Variants in ZNF292 observed in about 807,000 individuals in gnomAD.
ZNF292 encodes zinc finger protein 292.
In ZNF292, 26 loss-of-function variants were observed where a neutral mutation model predicts 217.9. That is an observed-to-expected ratio of 0.12 (90% CI 0.09 to 0.17). The LOEUF is 0.17. Among genes scored for constraint, ZNF292 ranks in the 10% least tolerant of loss-of-function variants. ZNF292 has a pLI of 1.00. For missense variants in ZNF292, 2,904 were observed against 3,175.2 expected (o/e 0.91, Z 2.05); for synonymous variants, 1,257 against 1,124.1 (o/e 1.12, Z -2.37).
At chr6:87,179,158 C>CTTTTTTTTT (rs10670719) in intron 1 of ZNF292, among the ~76,000 whole-genome samples, 15 of 116,354 alleles carry the variant, frequency 1.3e-4, no homozygotes, top group African/African-American at 4.2e-4. Context: ...ATATATGTGG[C>CTTTTTTTTT]TTTTTTTTTT....
intron 1 of ZNF292, among the ~76,000 whole-genome samples, chr6:87,192,959 T>C (rs61379368): frequency 0.091 from 13,852 of 152,234 alleles, 1,105 homozygotes; most frequent in African/African-American, 0.22. Flanking sequence ...ATTACTGTTA[T>C]ATGAAGAATC....
At position 87,260,797 on chromosome 6, in the gene ZNF292, A is replaced by G. The variant is rs1775537821; in HGVS notation, c.7168A>G (p.Ile2390Val). The change falls in exon 8 of 8, where the codon ATA becomes GTA. Residue 2390 changes from isoleucine to valine, a missense_variant. Ile to Val is a conservative substitution (Grantham distance 29). This residue lies in a region of ZNF292 where 27 missense variants were observed against 52.3 expected (regional missense o/e 0.52). Coordinates refer to ENST00000369577, the MANE Select transcript of ZNF292 (RefSeq NM_015021.3). ...ATTTGTAACCCAGTATCCATGTATG[A>G]TAAAGGGATGTACTTCAGTTGTTAC... The part of the protein sequence containing the change: ...SRFVTQYPCM[I>V]KGCTSVVTSE... The G allele has an allele frequency of 1.9e-6, 3 of 1,613,076 alleles. No homozygotes were observed. In the African/African-American group the frequency reaches 4.0e-5, roughly 22 times the overall value.
rs11753862 is a variant in ZNF292, at chr6:87,258,353, T to C, written c.4724T>C (p.Leu1575Ser). 1.6e-3 allele frequency: 2,609 copies of C among 1,613,680 alleles called. 9 individuals are homozygous for C. The highest frequency in any genetic ancestry group is 1.6e-3 in the Non-Finnish European group (1,850 of 1,179,754). ...TTGCCTGTTTTTCCAACGAATGACT[T>C]ACTACTGAAGACTGTTGAAAATGGT... ...SSLPVFPTND[L>S]LLKTVENGLC... The change falls in exon 8 of 8, where the codon TTA (leucine) becomes TCA (serine). Residue 1575 changes from leucine to serine, a missense_variant. Coordinates refer to ENST00000369577, the MANE Select transcript of ZNF292 (RefSeq NM_015021.3).
At chr6:87,169,860 C>T (rs1771041484) in intron 1 of ZNF292, 1 of 243,106 alleles carries the variant, frequency 4.1e-6, no homozygotes, top group African/African-American at 2.3e-5. Flanking sequence ...GTTGCCCAGA[C>T]TGGTCTTGAT....
intron 1 of ZNF292, among the ~76,000 whole-genome samples, chr6:87,214,429 G>A (rs1772641101): frequency 6.6e-6 from 1 of 152,074 alleles, no homozygotes; most frequent in African/African-American, 2.4e-5. Context: ...ATGAAGGTTT[G>A]GGATATAATG....
In ZNF292 at chr6:87,258,763, T is replaced by G. The variant is rs755546261; in HGVS notation, c.5134T>G (p.Ser1712Ala). 4 of 1,613,402 alleles carry G rather than the reference T, an allele frequency of 2.5e-6. No homozygotes were observed. Among genetic ancestry groups the G allele is most frequent in the Non-Finnish European group, 2.5e-6 (3 of 1,179,724 alleles). Residue 1712 changes from serine (S) to alanine (A), a missense_variant, in exon 8 of 8, where the codon TCC (serine) becomes GCC (alanine). Around this residue, in one of 15 missense-constraint regions of ZNF292, gnomAD observed 622 missense variants for 573.1 expected, o/e 1.09. Coordinates refer to ENST00000369577, the MANE Select transcript of ZNF292 (RefSeq NM_015021.3). The part of the protein sequence containing the change: ...VKENFKTSLE[S>A]HTVLAPLTLK... ...AGAGAATTTCAAAACCAGTCTTGAG[T>G]CCCATACAGTGTTAGCCCCTTTAAC...
intron 1 of ZNF292, among the ~76,000 whole-genome samples, chr6:87,157,357 A>G (rs888681308): frequency 1.3e-5 from 2 of 152,196 alleles, no homozygotes; most frequent in Non-Finnish European, 2.9e-5. Context: ...TGCAGTACCC[A>G]CTCATTCTTA....
chr6:87,243,086 T>G (rs1299340746), intron 5 of ZNF292, among the ~76,000 whole-genome samples: 1 of 152,018 alleles, frequency 6.6e-6, no homozygotes, highest in Non-Finnish European at 1.5e-5. Context: ...TTTAAATCAG[T>G]GGATAAAAGG....
At chr6:87,181,852 T>C (rs1397856313) in intron 1 of ZNF292, among the ~76,000 whole-genome samples, 4 of 152,118 alleles carry the variant, frequency 2.6e-5, no homozygotes, top group Non-Finnish European at 4.4e-5. Context: ...CAGCTAATTT[T>C]TTTTTATTTT....
At position 87,251,891 on chromosome 6, in the gene ZNF292, C is replaced by A. The variant is rs967728621; in HGVS notation, c.1021-2759C>A. 1.6e-4 allele frequency among the ~76,000 whole-genome samples: 25 copies of A among 152,106 alleles called. 1 individual carries two copies. Among genetic ancestry groups the A allele is most frequent in the Non-Finnish European group, 2.9e-5 (2 of 68,012 alleles). On this transcript the variant is annotated intron_variant, in intron 7 of 7. Transcript: ENST00000369577. ...AAAGCAAATTTATTGAGGCTCCTCACCCTTAATGAATCAAAATGAACCTTT... is the reference window on the plus strand; with the variant it reads ...AAAGCAAATTTATTGAGGCTCCTCAACCTTAATGAATCAAAATGAACCTTT...
intron 1 of ZNF292, among the ~76,000 whole-genome samples, chr6:87,206,955 C>T (rs190493687): frequency 2.6e-5 from 4 of 152,190 alleles, no homozygotes; most frequent in African/African-American, 9.6e-5. Flanking sequence ...AAGTGGGTGT[C>T]GAAAGGGATG....
At chr6:87,185,241 G>T (rs1301329286) in intron 1 of ZNF292, among the ~76,000 whole-genome samples, 1 of 152,098 alleles carries the variant, frequency 6.6e-6, no homozygotes, top group Non-Finnish European at 1.5e-5. Flanking sequence ...AATGTCCTTT[G>T]TACAACCCAA....
chr6:87,162,786 A>G lies in ZNF292; in HGVS notation c.168+7027A>G, dbSNP rs141016076. Reference sequence around the variant, plus strand: ...CAAACAGGATTTTCATAGGTTTTTAACTATAAAACTGCTGCTCTACTTATT... The same window carrying G: ...CAAACAGGATTTTCATAGGTTTTTAGCTATAAAACTGCTGCTCTACTTATT... On this transcript the variant is annotated intron_variant, in intron 1 of 7. Transcript: ENST00000369577. 3.3e-3 allele frequency among the ~76,000 whole-genome samples: 497 copies of G among 152,316 alleles called. 5 individuals are homozygous for G. The highest frequency in any genetic ancestry group is 6.0e-3 in the Admixed American group (92 of 15,284).
intron 5 of ZNF292, among the ~76,000 whole-genome samples, chr6:87,240,336 A>G (rs1411736383): frequency 1.6e-5 from 2 of 124,458 alleles, no homozygotes; most frequent in Non-Finnish European, 3.3e-5. Context: ...TCAGAGGGAG[A>G]CCGTGGAAAG....
In ZNF292 at chr6:87,194,932, G is replaced by GA. The variant is rs10607857; in HGVS notation, c.169-20960dup. On this transcript the variant is annotated intron_variant, in intron 1 of 7. Coordinates refer to ENST00000369577, the MANE Select transcript of ZNF292 (RefSeq NM_015021.3). ...CTATATTAAATTGAAAAGCTCATTT[G>GA]AAAAAAAAAAACCTGTATTCAGTAG... is the stretch of plus-strand genomic sequence containing the variant. Among the ~76,000 whole-genome samples the GA allele has an allele frequency of 4.5e-4, 68 of 149,584 alleles. 2 individuals carry two copies. The highest frequency in any genetic ancestry group is 1.6e-3 in the East Asian group (8 of 5,106).
intron 1 of ZNF292, among the ~76,000 whole-genome samples, chr6:87,181,331 T>C (rs1771467727): frequency 1.3e-5 from 2 of 152,144 alleles, no homozygotes; most frequent in South Asian, 4.1e-4. Context: ...CCCCTGGAGT[T>C]CAGCTGTTCT....
In ZNF292 at chr6:87,258,129, C is replaced by T. The variant is rs1213647482; in HGVS notation, c.4500C>T (p.Pro1500=). ...IKQALETAGI[P]STFEGAEMLS... ...AGGCTTTGGAAACTGCTGGCATTCCCAGTACATTTGAGGGTGCCGAAATGC... is the reference window on the plus strand; with the variant it reads ...AGGCTTTGGAAACTGCTGGCATTCCTAGTACATTTGAGGGTGCCGAAATGC... The change falls in exon 8 of 8, where the codon CCC becomes CCT. Residue 1500 remains proline, a synonymous_variant. Transcript: ENST00000369577. The T allele has an allele frequency of 3.7e-6, 6 of 1,612,174 alleles. No individual in the cohort carries two copies. The highest frequency in any genetic ancestry group is 1.3e-5 in the African/African-American group (1 of 74,862).
At position 87,245,560 on chromosome 6, in the gene ZNF292, G is replaced by T; in HGVS notation, c.936G>T (p.Val312=). 1.9e-6 allele frequency: 3 copies of T among 1,566,320 alleles called. No homozygotes were observed. The highest frequency in any genetic ancestry group is 1.7e-6 in the Non-Finnish European group (2 of 1,154,504). Residue 312 remains valine, a synonymous_variant, in exon 7 of 8, where the codon GTG becomes GTT. Coordinates refer to ENST00000369577, the MANE Select transcript of ZNF292 (RefSeq NM_015021.3). ...AAAGAGTAGAACCATCTATACAAGT[G>T]TACCTTGAGAGGTGTCGTCAACTTT... ...LQQRVEPSIQ[V]YLERCRQLSL... is the part of the protein sequence containing the mutation.
chr6:87,169,686 A>T (rs1248402870), intron 1 of ZNF292: 1 of 440,988 alleles, frequency 2.3e-6, no homozygotes, highest in Admixed American at 2.5e-5. Context: ...TCTCACTGTC[A>T]CCCAGGCTGG....
Sources: allele counts gnomAD v4.1 joint callset (sites outside exome capture counted in the v4.1 genomes callset), GRCh38; gene constraint gnomAD v4.1.1; regional missense constraint gnomAD v4.1.1; transcripts MANE v1.5; gene names NCBI Gene and HGNC (gene_info 2026-07-23, HGNC 2026-07-21).